Variants in DHRS7B observed in about 807,000 individuals in gnomAD.
DHRS7B encodes the protein dehydrogenase/reductase 7B, also known as peroxisomal reductase activating PPAR-gamma.
In DHRS7B, 24 loss-of-function variants were observed where a neutral mutation model predicts 26.4. The observed-to-expected ratio is 0.91, with a 90% CI of 0.66 to 1.28. DHRS7B has a LOEUF of 1.28. Ranked by LOEUF, DHRS7B falls within the 50% of genes most tolerant of loss-of-function variation. The pLI, the probability that DHRS7B is intolerant of heterozygous loss-of-function variation, is 0.00. For synonymous variants in DHRS7B, 142 were observed against 166.4 expected, an observed-to-expected ratio of 0.85 and a Z score of 1.13; for missense variants, 368 against 419.4, an observed-to-expected ratio of 0.88 and a Z score of 1.07.
At chr17:21,189,327 T>A (rs972831892) in intron 6 of DHRS7B, among the ~76,000 whole-genome samples, 1 of 152,194 alleles carries the variant, frequency 6.6e-6, no homozygotes, top group Non-Finnish European at 1.5e-5. Flanking sequence ...TGCAGCAGTC[T>A]CAGCACCTTC....
rs145314289 is a variant in DHRS7B at position 21,185,279 on chromosome 17, C to A, written c.619+816C>A. On this transcript the variant is annotated intron_variant, in intron 5 of 6. Transcript: ENST00000395511. ...ACCCAAGGGCTAGACCCAGCCACAG[C>A]CTGGTCAGCAAAGGCAGGGAAATCT... Among the ~76,000 whole-genome samples, 680 of 152,354 alleles carry A rather than the reference C, an allele frequency of 4.5e-3. 7 individuals are homozygous for A. Among genetic ancestry groups the A allele is most frequent in the East Asian group, 0.043 (224 of 5,184 alleles).
intron 1 of DHRS7B, among the ~76,000 whole-genome samples, chr17:21,160,848 T>C (rs564389597): frequency 2.0e-4 from 30 of 152,194 alleles, no homozygotes; most frequent in Non-Finnish European, 4.0e-4. Context: ...TAAACTCTGG[T>C]ACATCCAGAC....
intron 1 of DHRS7B, among the ~76,000 whole-genome samples, chr17:21,158,910 A>G (rs1973935576): frequency 6.6e-6 from 1 of 152,014 alleles, no homozygotes; most frequent in Non-Finnish European, 1.5e-5. Context: ...ATGTTTGACA[A>G]TGGAGAAAAG....
chr17:21,129,704 C>CAAAAAAAAAAAAAAAAAAAAAAAAAAAA (rs61077377), intron 1 of DHRS7B, among the ~76,000 whole-genome samples: 1 of 74,780 alleles, frequency 1.3e-5, no homozygotes, highest in Non-Finnish European at 2.6e-5. Flanking sequence ...GACCCTGACT[C>CAAAAAAAAAAAAAAAAAAAAAAAAAAAA]AAAAAAAAAA....
intron 1 of DHRS7B, among the ~76,000 whole-genome samples, chr17:21,140,375 C>T (rs1023065652): frequency 1.3e-5 from 2 of 151,850 alleles, no homozygotes; most frequent in Admixed American, 1.3e-4. Flanking sequence ...CTTAAATTTG[C>T]ATGTTAAAGG....
In DHRS7B at chr17:21,140,535, C is replaced by CACCCTG. The variant is rs1555536403; in HGVS notation, c.20+13546_20+13547insCCTGAC. 7.3e-5 allele frequency among the ~76,000 whole-genome samples: 11 copies of CACCCTG among 149,770 alleles called. No homozygotes were observed. In the East Asian group the frequency reaches 1.0e-3, roughly 14 times the overall value. On this transcript the variant is annotated intron_variant, in intron 1 of 6. Transcript: ENST00000395511. Reference sequence around the variant, plus strand: ...ACACACACACACACACACACACACACACACCCTGACACCCTATAGCTTTTA... The same window carrying CACCCTG: ...ACACACACACACACACACACACACACACCCTGACACCCTGACACCCTATAGCTTTTA...
chr17:21,137,376 A>C (rs1381802475), intron 1 of DHRS7B, among the ~76,000 whole-genome samples: 2 of 147,252 alleles, frequency 1.4e-5, no homozygotes, highest in Non-Finnish European at 3.0e-5. Flanking sequence ...AGCTCACTGC[A>C]AGCTCCACTT....
At chr17:21,146,863 G>C (rs578238155) in intron 1 of DHRS7B, among the ~76,000 whole-genome samples, 1 of 152,320 alleles carries the variant, frequency 6.6e-6, no homozygotes, top group African/African-American at 2.4e-5. Context: ...CTTACAACAA[G>C]AGGAAAGTTT....
intron 1 of DHRS7B, among the ~76,000 whole-genome samples, chr17:21,139,074 TC>T (rs1418560428): frequency 6.6e-6 from 1 of 152,216 alleles, no homozygotes; most frequent in Non-Finnish European, 1.5e-5. Context: ...CCTTGTTCAT[TC>T]CTGGGCATAG....
At chr17:21,166,835 A>C (rs1018619145) in intron 1 of DHRS7B, among the ~76,000 whole-genome samples, 5 of 152,162 alleles carry the variant, frequency 3.3e-5, no homozygotes, top group African/African-American at 1.2e-4. Context: ...TGTGTGTAAC[A>C]TGGCAAATTA....
At position 21,178,291 on chromosome 17, in the gene DHRS7B, T is replaced by C. The variant is rs755717279; in HGVS notation, c.258T>C (p.Gly86=). 6.2e-7 allele frequency: 1 copy of C among 1,614,066 alleles called. No homozygotes were observed. The highest frequency in any genetic ancestry group is 1.3e-5 in the African/African-American group (1 of 74,948). The change falls in exon 3 of 7, where the codon GGT becomes GGC. Residue 86 remains glycine, a synonymous_variant. Transcript: ENST00000395511. ...AACTGGTGCTCTGTGGCCGGAATGGTGGGGCCCTAGAAGAGCTCATCAGAG... is the reference window on the plus strand; with the variant it reads ...AACTGGTGCTCTGTGGCCGGAATGGCGGGGCCCTAGAAGAGCTCATCAGAG... ...GAKLVLCGRN[G]GALEELIREL...
chr17:21,148,175 A>C (rs771481707), intron 1 of DHRS7B, among the ~76,000 whole-genome samples: 47 of 152,202 alleles, frequency 3.1e-4, no homozygotes, highest in Non-Finnish European at 6.2e-4. Flanking sequence ...TAAGCCTCCC[A>C]AAACACTGGG....
chr17:21,172,833 G>A (rs1974290771), intron 2 of DHRS7B, among the ~76,000 whole-genome samples: 1 of 152,234 alleles, frequency 6.6e-6, no homozygotes, highest in South Asian at 2.1e-4. Flanking sequence ...CCGGGACCCT[G>A]GCCTGGAGTG....
chr17:21,191,377 G>A lies in DHRS7B; in HGVS notation c.*224G>A. 2 of 559,238 alleles carry A rather than the reference G, an allele frequency of 3.6e-6. No individual in the cohort carries two copies. The highest frequency in any genetic ancestry group is 2.1e-5 in the South Asian group (1 of 46,668). 34.6% of individuals were successfully genotyped at this position (559,238 alleles called of 1,614,324 possible). On this transcript the variant is annotated 3_prime_UTR_variant, in exon 7 of 7. Transcript: ENST00000395511. The stretch of plus-strand genomic sequence containing the variant: ...ACACTTAAGGAATAAATATGGAGCT[G>A]GGGTTTAACACTAAAAACTAGAAAT...
Position 21,178,223 on chromosome 17 carries a change from C to G in DHRS7B, c.200-10C>G, listed in dbSNP as rs1567628188. On this transcript the variant is annotated splice_polypyrimidine_tract_variant and intron_variant, in intron 2 of 6. Coordinates refer to ENST00000395511, the MANE Select transcript of DHRS7B (RefSeq NM_015510.5). ...AGAATGGCTGTCAAGGCTCTTTTCT[C>G]TTCCCTTAGAATGTGCAAAAGTCTT... 1 of 1,613,364 alleles carries G rather than the reference C, an allele frequency of 6.2e-7. No homozygotes were observed. Among genetic ancestry groups the G allele is most frequent in the Non-Finnish European group, 8.5e-7 (1 of 1,179,480 alleles).
chr17:21,188,337 AT>A (rs1974695999), intron 5 of DHRS7B, among the ~76,000 whole-genome samples: 2 of 152,010 alleles, frequency 1.3e-5, no homozygotes, highest in African/African-American at 4.8e-5. Context: ...ATAATTTATA[AT>A]TTTTTTCCTG....
At chr17:21,168,710 G>A in intron 1 of DHRS7B, 2 of 985,364 alleles carry the variant, frequency 2.0e-6, no homozygotes, top group Non-Finnish European at 2.4e-6. Context: ...TGATTCGATA[G>A]CACTTTACCA....
intron 1 of DHRS7B, among the ~76,000 whole-genome samples, chr17:21,141,640 A>AAAAAAAACAAAAAG: frequency 2.2e-5 from 2 of 90,078 alleles, no homozygotes; most frequent in Non-Finnish European, 4.1e-5. Context: ...AAAAAAAAAA[A>AAAAAAAACAAAAAG]CAACCTCATC....
intron 1 of DHRS7B, among the ~76,000 whole-genome samples, chr17:21,141,086 T>G (rs1424403331): frequency 6.6e-6 from 1 of 152,004 alleles, no homozygotes; most frequent in Non-Finnish European, 1.5e-5. Context: ...GGGTGATCAG[T>G]CCTTATATGC....
Sources: allele counts gnomAD v4.1 joint callset (sites outside exome capture counted in the v4.1 genomes callset), GRCh38; gene constraint gnomAD v4.1.1; transcripts MANE v1.5; gene names NCBI Gene and HGNC (gene_info 2026-07-23, HGNC 2026-07-21).